The following CDH13 variants were observed in gnomAD, a reference collection of about 807,000 sequenced individuals.
CDH13 encodes cadherin 13.
A neutral mutation model predicts 63.8 loss-of-function variants in CDH13; 24 were observed. The ratio of observed to expected loss-of-function variants is 0.38; its 90% confidence interval spans 0.27 to 0.53. The LOEUF is 0.53. CDH13 is among the 20% of genes least tolerant of loss of function. The probability of loss-of-function intolerance (pLI) is 0.85; values close to 1 mark genes in which losing one functional copy is unlikely to be tolerated. For synonymous variants in CDH13, 503 were observed against 355.3 expected (o/e 1.42, Z -4.67); for missense variants, 1,049 against 903.1 (o/e 1.16, Z -2.07).
At chr16:83,670,745 A>C (rs1263621330) in intron 8 of CDH13, 45 bp from the exon 9 acceptor site, 1 of 1,557,678 alleles carries the variant, frequency 6.4e-7, no homozygotes, top group African/African-American at 1.4e-5. Context: ...GTAAATGACT[A>C]TGTGTTTTCA....
intron 6 of CDH13, among the ~76,000 whole-genome samples, chr16:83,415,844 A>T (rs1259904218): frequency 6.6e-6 from 1 of 152,176 alleles, no homozygotes; most frequent in Non-Finnish European, 1.5e-5. Context: ...GATCAGAAAC[A>T]AGATAGGGAT....
chr16:82,882,551 T>A (rs1178263424), intron 2 of CDH13, among the ~76,000 whole-genome samples: 1 of 152,220 alleles, frequency 6.6e-6, no homozygotes, highest in African/African-American at 2.4e-5. Flanking sequence ...TTCCTTCATT[T>A]CTTAACCATG....
intron 6 of CDH13, among the ~76,000 whole-genome samples, chr16:83,364,313 C>G (rs535012499): frequency 2.0e-5 from 3 of 152,158 alleles, no homozygotes; most frequent in South Asian, 4.1e-4. Context: ...CTCTCCCTCA[C>G]TTTCCTGTTG....
chr16:83,367,767 A>C (rs1403864880), intron 6 of CDH13, among the ~76,000 whole-genome samples: 1 of 152,094 alleles, frequency 6.6e-6, no homozygotes, highest in East Asian at 1.9e-4. Context: ...GGTTCTTTGT[A>C]TTTCCATATA....
intron 6 of CDH13, among the ~76,000 whole-genome samples, chr16:83,452,651 C>G (rs757144892): frequency 6.6e-6 from 1 of 151,752 alleles, no homozygotes; most frequent in Non-Finnish European, 1.5e-5. Flanking sequence ...CCTGCAAAGA[C>G]AAACATGATA....
chr16:83,036,892 C>A (rs1336033566), intron 3 of CDH13, among the ~76,000 whole-genome samples: 3 of 152,098 alleles, frequency 2.0e-5, no homozygotes, highest in African/African-American at 7.2e-5. Flanking sequence ...ATCCCAGGGT[C>A]CACTTTTCTT....
rs146217949 is a variant in CDH13 at position 82,770,164 on chromosome 16, G to T, written c.46-88198G>T. On this transcript the variant is annotated intron_variant, in intron 1 of 13. Coordinates refer to ENST00000567109, the MANE Select transcript of CDH13 (RefSeq NM_001257.5). The stretch of plus-strand genomic sequence containing the variant: ...TGCCACAGAACCTGGCTGTGATTTG[G>T]TCTTATTAGAAAACAAATTTGGAAA... Among the ~76,000 whole-genome samples, 1,464 of 152,334 alleles carry T rather than the reference G, an allele frequency of 9.6e-3. 17 individuals carry two copies. The highest frequency in any genetic ancestry group is 0.029 in the African/African-American group (1,197 of 41,580).
At chr16:83,650,893 T>A (rs1912310967) in intron 8 of CDH13, among the ~76,000 whole-genome samples, 1 of 151,670 alleles carries the variant, frequency 6.6e-6, no homozygotes, top group Admixed American at 6.6e-5. Context: ...GGCAACATAG[T>A]GAGACCCTGT....
chr16:83,391,636 G>A (rs1045838805), intron 6 of CDH13, among the ~76,000 whole-genome samples: 2 of 152,132 alleles, frequency 1.3e-5, no homozygotes, highest in South Asian at 2.1e-4. Flanking sequence ...TAATGAAGTG[G>A]TCCCGCCAGA....
chr16:83,696,641 T>C (rs1220485186), intron 10 of CDH13, among the ~76,000 whole-genome samples: 1 of 152,170 alleles, frequency 6.6e-6, no homozygotes, highest in Non-Finnish European at 1.5e-5. Flanking sequence ...CCCAAATACT[T>C]AAAACATAGA....
At chr16:83,374,436 T>C (rs981513261) in intron 6 of CDH13, among the ~76,000 whole-genome samples, 1 of 152,218 alleles carries the variant, frequency 6.6e-6, no homozygotes, top group Non-Finnish European at 1.5e-5. Flanking sequence ...ATATTTTTTC[T>C]CTGATAAAGT....
At chr16:83,215,319 T>C (rs1048191154) in intron 4 of CDH13, among the ~76,000 whole-genome samples, 1 of 151,926 alleles carries the variant, frequency 6.6e-6, no homozygotes, top group South Asian at 2.1e-4. Context: ...CCTCAAGTGA[T>C]CCGCCCACCT....
chr16:82,725,286 G>C (rs1170277437), intron 1 of CDH13, among the ~76,000 whole-genome samples: 2 of 152,160 alleles, frequency 1.3e-5, no homozygotes, highest in Non-Finnish European at 2.9e-5. Flanking sequence ...GTTCTGAATT[G>C]TCCCAGCTCT....
chr16:83,007,285 C>T (rs901802586), intron 2 of CDH13, among the ~76,000 whole-genome samples: 12 of 152,156 alleles, frequency 7.9e-5, no homozygotes, highest in Admixed American at 3.3e-4. Context: ...GTGCTAGGCA[C>T]CGTGACAGGT....
chr16:83,042,777 G>T (rs1917439477), intron 3 of CDH13, among the ~76,000 whole-genome samples: 1 of 152,178 alleles, frequency 6.6e-6, no homozygotes, highest in South Asian at 2.1e-4. Flanking sequence ...GAGTGACATG[G>T]AATCTGTTGA....
Position 83,032,071 on chromosome 16 carries a change from C to T in CDH13, c.219C>T (p.Phe73=), listed in dbSNP as rs778819651. The T allele has an allele frequency of 7.4e-6, 12 of 1,611,546 alleles. No homozygotes were observed. The Admixed American group carries it at 1.7e-4, about 22-fold the overall frequency. ...GCTATGAGGTCTCGAGCCCATACTT[C>T]AAGGTGAACAGCGATGGCGGCTTAG... ...KLRYEVSSPY[F]KVNSDGGLVA... The change falls in exon 3 of 14, where the codon TTC becomes TTT. Residue 73 remains phenylalanine, a synonymous_variant. Coordinates refer to ENST00000567109, the MANE Select transcript of CDH13 (RefSeq NM_001257.5).
chr16:83,706,212 G>T (rs530684654), intron 10 of CDH13, among the ~76,000 whole-genome samples: 1 of 152,266 alleles, frequency 6.6e-6, no homozygotes, highest in African/African-American at 2.4e-5. Flanking sequence ...ACGAGGCCTG[G>T]GCTCTCTCAC....
intron 3 of CDH13, among the ~76,000 whole-genome samples, chr16:83,067,461 A>G (rs543496468): frequency 6.6e-6 from 1 of 152,312 alleles, no homozygotes. Flanking sequence ...AAGAACCCAT[A>G]TAGTGTTTGA....
At chr16:82,764,244 A>G (rs964643964) in intron 1 of CDH13, among the ~76,000 whole-genome samples, 4 of 152,224 alleles carry the variant, frequency 2.6e-5, no homozygotes, top group Non-Finnish European at 5.9e-5. Context: ...TTGAATTGTC[A>G]TGCAGCTCAG....
Sources: gnomAD v4.1 joint callset for allele counts (sites outside exome capture counted in the v4.1 genomes callset) on GRCh38, gnomAD v4.1.1 for gene constraint, MANE v1.5 for transcripts, NCBI Gene and HGNC (gene_info 2026-07-23, HGNC 2026-07-21) for gene names.